MLLT1: variants seen among roughly 807,000 people sequenced by gnomAD.
MLLT1 encodes protein ENL.
MLLT1 carries 11 observed loss-of-function variants against 55.1 expected under a neutral mutation model. The ratio of observed to expected loss-of-function variants is 0.20; its 90% CI spans 0.13 to 0.33. MLLT1 has a LOEUF of 0.33. MLLT1 is among the 10% of genes least tolerant of loss of function. The pLI, the probability that MLLT1 is intolerant of heterozygous loss-of-function variation, is 1.00. For missense variants in MLLT1, 536 were observed against 760.6 expected (o/e 0.70, Z 3.47); for synonymous variants, 323 against 320.1 (o/e 1.01, Z -0.10).
intron 3 of MLLT1, among the ~76,000 whole-genome samples, chr19:6,253,189 C>T (rs969224135): frequency 2.8e-5 from 4 of 143,260 alleles, no homozygotes; most frequent in South Asian, 2.3e-4. Context: ...GGCATGAACC[C>T]GGGAGGCAGA....
chr19:6,241,762 T>C (rs2091115051), intron 3 of MLLT1, among the ~76,000 whole-genome samples: 1 of 152,204 alleles, frequency 6.6e-6, no homozygotes, highest in Non-Finnish European at 1.5e-5. Flanking sequence ...AGAAGGATGC[T>C]CTGGGGAAAG....
chr19:6,217,015 ACGGTTCCAGT>A (rs2090851454), intron 7 of MLLT1: 1 of 158,640 alleles, frequency 6.3e-6, no homozygotes, highest in South Asian at 1.8e-4. Flanking sequence ...CCAGAGGCAC[ACGGTTCCAGT>A]CCCCTACAGA....
At chr19:6,253,486 G>A (rs1172181532) in intron 3 of MLLT1, among the ~76,000 whole-genome samples, 4 of 152,026 alleles carry the variant, frequency 2.6e-5, no homozygotes, top group Middle Eastern at 3.4e-3. Context: ...TTATGAGGGC[G>A]GCATTACCCT....
Position 6,211,887 on chromosome 19 carries a change from G to A in MLLT1, c.*1155C>T, listed in dbSNP as rs1205561472. ...GGGCGCGGCACCAGCATGAATTGCGGCGGTGGAGGCCGGGGCGGGCCAGGC... is the reference window on the plus strand; with the variant it reads ...GGGCGCGGCACCAGCATGAATTGCGACGGTGGAGGCCGGGGCGGGCCAGGC... On this transcript the variant is annotated 3_prime_UTR_variant, in exon 12 of 12. Coordinates refer to ENST00000252674, the MANE Select transcript of MLLT1 (RefSeq NM_005934.4). The surrounding 1 kb of genome is among the most constrained non-coding windows in gnomAD (Gnocchi z 4.6). 9.4e-7 allele frequency: 1 copy of A among 1,064,692 alleles called. No individual in the cohort carries two copies. Among genetic ancestry groups the A allele is most frequent in the Admixed American group, 5.4e-5 (1 of 18,688 alleles). The allele number at this position is 1,064,692 out of a possible 1,614,324, so 66.0% of individuals were successfully genotyped here.
intron 5 of MLLT1, among the ~76,000 whole-genome samples, chr19:6,224,618 C>A (rs1028604334): frequency 3.3e-5 from 5 of 152,246 alleles, no homozygotes; most frequent in Admixed American, 2.6e-4. Flanking sequence ...GTCAGCTGAG[C>A]CGCCATTGCC....
chr19:6,240,685 G>C lies in MLLT1; in HGVS notation c.277-9972C>G, dbSNP rs180723052. ...GTGGGGGTGATGTCAGACGCACAGG[G>C]AGAGACTGGACCCCACACTCAGCTA... On this transcript the variant is annotated intron_variant, in intron 3 of 11. Transcript: ENST00000252674. The surrounding 1 kb of genome is among the most constrained non-coding windows in gnomAD (Gnocchi z 4.7). Among the ~76,000 whole-genome samples the C allele has an allele frequency of 4.2e-3, 643 of 152,216 alleles. 2 individuals are homozygous for C. The highest frequency in any genetic ancestry group is 8.0e-3 in the Non-Finnish European group (545 of 68,002).
rs186984932 is a variant in MLLT1, at chr19:6,244,913, C to T, written c.277-14200G>A. The stretch of plus-strand genomic sequence containing the variant: ...ACCACTTCACACCCACTAGGACAGA[C>T]GGCTATAATCAAAAAGGCAGAAAAT... On this transcript the variant is annotated intron_variant, in intron 3 of 11. Transcript: ENST00000252674. 2.3e-3 allele frequency among the ~76,000 whole-genome samples: 346 copies of T among 152,154 alleles called. 1 individual carries two copies. Among genetic ancestry groups the T allele is most frequent in the African/African-American group, 8.0e-3 (331 of 41,472 alleles).
chr19:6,245,167 T>G (rs1382507570), intron 3 of MLLT1, among the ~76,000 whole-genome samples: 1 of 151,918 alleles, frequency 6.6e-6, no homozygotes, highest in Non-Finnish European at 1.5e-5. Flanking sequence ...ATAGTGAGAC[T>G]CTCTAACAAA....
chr19:6,277,383 C>T (rs1253005420), intron 1 of MLLT1, among the ~76,000 whole-genome samples: 2 of 152,252 alleles, frequency 1.3e-5, no homozygotes, highest in Non-Finnish European at 2.9e-5. Flanking sequence ...GATGGAAATG[C>T]ATCTGCATTG....
chr19:6,224,586 C>T lies in MLLT1; in HGVS notation c.547-1902G>A, dbSNP rs577394498. 1.8e-3 allele frequency among the ~76,000 whole-genome samples: 281 copies of T among 152,372 alleles called. 1 individual carries two copies. The highest frequency in any genetic ancestry group is 6.6e-3 in the African/African-American group (275 of 41,582). On this transcript the variant is annotated intron_variant, in intron 5 of 11. Coordinates refer to ENST00000252674, the MANE Select transcript of MLLT1 (RefSeq NM_005934.4). ...CGTCAGAGGCCCCTAACACAGGTCT[C>T]ACTGTGTGCCCCTGGCCTGGAGTCA...
chr19:6,215,138 G>A (rs1293356707), intron 8 of MLLT1, among the ~76,000 whole-genome samples: 14 of 151,898 alleles, frequency 9.2e-5, no homozygotes, highest in South Asian at 4.2e-4. Flanking sequence ...CAGAAGCTCC[G>A]ACGGTGTGGC....
In MLLT1 at chr19:6,270,777, G is replaced by A. The variant is rs2091389112; in HGVS notation, c.13-18C>T. ...ACGGTGCACTGGAGGAGAGAGAGGTGGGGAGATGAAGTCAGCACACGCCTC... is the reference window on the plus strand; with the variant it reads ...ACGGTGCACTGGAGGAGAGAGAGGTAGGGAGATGAAGTCAGCACACGCCTC... On this transcript the variant is annotated intron_variant, in intron 1 of 11. Coordinates refer to ENST00000252674, the MANE Select transcript of MLLT1 (RefSeq NM_005934.4). This position sits in a 1 kb window ranked among gnomAD's most constrained non-coding sequence, Gnocchi z 7.1. The A allele has an allele frequency of 6.3e-7, 1 of 1,587,578 alleles. No individual in the cohort carries two copies. The highest frequency in any genetic ancestry group is 1.3e-5 in the African/African-American group (1 of 74,404).
At position 6,213,922 on chromosome 19, in the gene MLLT1, G is replaced by A; in HGVS notation, c.1407+17C>T. The A allele has an allele frequency of 6.8e-7, 1 of 1,463,208 alleles. No individual in the cohort carries two copies. The highest frequency in any genetic ancestry group is 9.2e-7 in the Non-Finnish European group (1 of 1,091,874). 90.6% of individuals were successfully genotyped at this position (1,463,208 alleles called of 1,614,324 possible). On this transcript the variant is annotated intron_variant, in intron 9 of 11. Coordinates refer to ENST00000252674, the MANE Select transcript of MLLT1 (RefSeq NM_005934.4). ...CCGGCCTCTGGTGCACCCCCTGCCT[G>A]CAGGCCCCAGGCTCACCTTGCTGTT...
rs1600193276 is a variant in MLLT1, at chr19:6,240,578, G to C, written c.277-9865C>G. Among the ~76,000 whole-genome samples, 1 of 152,146 alleles carries C rather than the reference G, an allele frequency of 6.6e-6. No individual in the cohort carries two copies. Among genetic ancestry groups the C allele is most frequent in the Admixed American group, 6.5e-5 (1 of 15,274 alleles). ...ATCACACGCTGGCCCAGAGACCCCC[G>C]GGATACACCGTTGGGAGAAGAAAGC... On this transcript the variant is annotated intron_variant, in intron 3 of 11. Transcript: ENST00000252674. The surrounding 1 kb of genome is among the most constrained non-coding windows in gnomAD (Gnocchi z 4.7).
intron 2 of MLLT1, among the ~76,000 whole-genome samples, chr19:6,269,407 G>A (rs1226577150): frequency 1.3e-5 from 2 of 152,394 alleles, no homozygotes; most frequent in East Asian, 1.9e-4. Flanking sequence ...ATCTGCCGCT[G>A]TCAGGAGCCT....
intron 3 of MLLT1, among the ~76,000 whole-genome samples, chr19:6,247,070 G>A (rs953930056): frequency 2.6e-5 from 4 of 152,182 alleles, no homozygotes; most frequent in African/African-American, 9.7e-5. Context: ...CAGCTACAAG[G>A]CAGCAACTGG....
At chr19:6,213,672 T>TCCCCCCCCCCCCCCCCCCCCTG in intron 10 of MLLT1, 54 bp downstream of exon 10, 1 of 1,075,346 alleles carries the variant, frequency 9.3e-7, no homozygotes, top group Non-Finnish European at 1.4e-6. Context: ...TGGCTGCAAC[T>TCCCCCCCCCCCCCCCCCCCCTG]CCCACCACCC....
Position 6,212,844 on chromosome 19 carries a change from C to A in MLLT1, c.*198G>T. On this transcript the variant is annotated 3_prime_UTR_variant, in exon 12 of 12. Coordinates refer to ENST00000252674, the MANE Select transcript of MLLT1 (RefSeq NM_005934.4). ...GGGGCGGCTCCCGTGTGGCCCAGCC[C>A]GGCCCCAGGGCTCCTGGCGATGGAG... 1 of 934,556 alleles carries A rather than the reference C, an allele frequency of 1.1e-6. No individual in the cohort carries two copies. The highest frequency in any genetic ancestry group is 3.0e-5 in the East Asian group (1 of 32,928). 57.9% of individuals were successfully genotyped at this position (934,556 alleles called of 1,614,324 possible). A position where few individuals can be genotyped will look rare whatever the true frequency, so the allele number is the denominator to read the frequency against.
In MLLT1 at chr19:6,212,914, G is replaced by A; in HGVS notation, c.*128C>T. 1.6e-6 allele frequency: 2 copies of A among 1,231,336 alleles called. No homozygotes were observed. Among genetic ancestry groups the A allele is most frequent in the Non-Finnish European group, 2.2e-6 (2 of 894,822 alleles). 76.3% of individuals were successfully genotyped at this position (1,231,336 alleles called of 1,614,324 possible). ...GCCGCCGAGGAAAGTGCAGCGGGCT[G>A]TGCGGGCGAGGACAGGGCTGTCGCT... On this transcript the variant is annotated 3_prime_UTR_variant, in exon 12 of 12. Transcript: ENST00000252674.
Sources: gnomAD v4.1 joint callset for allele counts (sites outside exome capture counted in the v4.1 genomes callset) on GRCh38, gnomAD v4.1.1 for gene constraint, Gnocchi (gnomAD v3.1) non-coding constraint, MANE v1.5 for transcripts, NCBI Gene and HGNC (gene_info 2026-07-23, HGNC 2026-07-21) for gene names.